The following RNF214 variants were observed in gnomAD, a reference collection of about 807,000 sequenced individuals.
The protein encoded by RNF214 is ring finger protein 214.
RNF214 carries 25 observed loss-of-function variants against 75.9 expected under a neutral mutation model. That is an observed-to-expected ratio of 0.33 (90% CI 0.24 to 0.46). The LOEUF is 0.46. RNF214 is among the 20% of genes least tolerant of loss of function. The pLI is 1.00. For synonymous variants in RNF214, 314 were observed against 308.8 expected (o/e 1.02, Z -0.18); for missense variants, 725 against 857.5 (o/e 0.85, Z 1.93).
chr11:117,238,477 A>G, intron 2 of RNF214, 124 bp from the exon 3 acceptor site: 2 of 860,624 alleles, frequency 2.3e-6, no homozygotes, highest in Non-Finnish European at 3.6e-6. Flanking sequence ...GATAGAAATC[A>G]TTGGATTGAA....
chr11:117,245,802 TAACAAC>T (rs761093039), intron 5 of RNF214, among the ~76,000 whole-genome samples: 5 of 151,938 alleles, frequency 3.3e-5, no homozygotes, highest in Admixed American at 6.6e-5. Context: ...CATTTAAAAA[TAACAAC>T]AACAACAACA....
intron 14 of RNF214, among the ~76,000 whole-genome samples, chr11:117,284,009 A>C (rs2034188638): frequency 6.6e-6 from 1 of 152,194 alleles, no homozygotes; most frequent in African/African-American, 2.4e-5. Context: ...ACATTAGCAG[A>C]ATTCAGAATA....
chr11:117,246,881 A>G lies in RNF214; in HGVS notation c.892A>G (p.Lys298Glu). The G allele has an allele frequency of 6.2e-7, 1 of 1,613,418 alleles. No individual in the cohort carries two copies. Among genetic ancestry groups the G allele is most frequent in the Non-Finnish European group, 8.5e-7 (1 of 1,179,696 alleles). Reference sequence around the variant, plus strand: ...AAAGAAGAAGATAGAGAAAGAGAAGAAGGAGTTTTTGCAGAAGGAGCAGGA... The same window carrying G: ...AAAGAAGAAGATAGAGAAAGAGAAGGAGGAGTTTTTGCAGAAGGAGCAGGA... ...ETKKKIEKEK[K>E]EFLQKEQDLK... is the part of the protein sequence containing the mutation. Residue 298 changes from lysine to glutamate, a missense_variant, in exon 6 of 15, where the codon AAG (lysine) becomes GAG (glutamate). This residue lies in a region of RNF214 where 363 missense variants were observed against 513.0 expected (regional missense o/e 0.71). Transcript: ENST00000300650.
rs143468161 is a variant in RNF214, at chr11:117,279,617, G to A, written c.960-291G>A. Among the ~76,000 whole-genome samples, 887 of 152,244 alleles carry A rather than the reference G, an allele frequency of 5.8e-3. 9 individuals are homozygous for A. Among genetic ancestry groups the A allele is most frequent in the African/African-American group, 0.02 (833 of 41,546 alleles). ...CTTCCAAAGTGCTGGGATTACAGGCGTCAGCCACCACGCCCGGTCACAACG... is the reference window on the plus strand; with the variant it reads ...CTTCCAAAGTGCTGGGATTACAGGCATCAGCCACCACGCCCGGTCACAACG... On this transcript the variant is annotated intron_variant, in intron 6 of 14. Transcript: ENST00000300650.
Position 117,282,405 on chromosome 11 carries a change from G to T in RNF214, c.1714G>T (p.Ala572Ser), listed in dbSNP as rs750740579. 3 of 1,611,884 alleles carry T rather than the reference G, an allele frequency of 1.9e-6. No homozygotes were observed. The highest frequency in any genetic ancestry group is 2.5e-6 in the Non-Finnish European group (3 of 1,179,278). The change falls in exon 12 of 15, where the codon GCC becomes TCC. Residue 572 changes from alanine to serine, a missense_variant and splice_region_variant. This residue lies in a region of RNF214 where 363 missense variants were observed against 513.0 expected (regional missense o/e 0.71). Transcript: ENST00000300650. Reference protein sequence around the residue: ...LLTRFPQCNKAQMTNILQQIK... With the variant: ...LLTRFPQCNKSQMTNILQQIK... ...TCCCTCAACATTTTTTTTCCTCAGG[G>T]CCCAGATGACCAACATTCTTCAGCA...
chr11:117,255,154 A>C (rs930757753), intron 6 of RNF214, among the ~76,000 whole-genome samples: 1 of 152,132 alleles, frequency 6.6e-6, no homozygotes, highest in Admixed American at 6.6e-5. Context: ...TGTCTCCACC[A>C]TTTCTCTTCT....
At chr11:117,234,596 A>T (rs549847695) in intron 2 of RNF214, among the ~76,000 whole-genome samples, 1 of 152,230 alleles carries the variant, frequency 6.6e-6, no homozygotes, top group African/African-American at 2.4e-5. Flanking sequence ...AATAGAATAC[A>T]TGGGGTCAAA....
intron 6 of RNF214, among the ~76,000 whole-genome samples, chr11:117,265,069 A>G (rs1268903817): frequency 6.8e-6 from 1 of 146,810 alleles, no homozygotes; most frequent in African/African-American, 2.5e-5. Flanking sequence ...CTCTATCTCA[A>G]AAAAAAAAAA....
At chr11:117,251,576 AT>A (rs1165867177) in intron 6 of RNF214, among the ~76,000 whole-genome samples, 1 of 150,014 alleles carries the variant, frequency 6.7e-6, no homozygotes, top group Non-Finnish European at 1.5e-5. Context: ...GGGTCATTTT[AT>A]TATTTTATTA....
chr11:117,234,995 G>A (rs1018520530), intron 2 of RNF214, among the ~76,000 whole-genome samples: 2 of 152,212 alleles, frequency 1.3e-5, no homozygotes, highest in African/African-American at 2.4e-5. Flanking sequence ...ATAAAGTGGT[G>A]TAGTATTTGC....
At chr11:117,252,870 A>G (rs1393572075) in intron 6 of RNF214, among the ~76,000 whole-genome samples, 2 of 152,076 alleles carry the variant, frequency 1.3e-5, no homozygotes, top group African/African-American at 4.8e-5. Context: ...TCTGGTAATT[A>G]TTTGATAAGT....
chr11:117,239,148 G>C (rs751465373), intron 3 of RNF214, 37 bp downstream of exon 3: 5 of 1,546,448 alleles, frequency 3.2e-6, no homozygotes, highest in African/African-American at 1.4e-5. Flanking sequence ...AATGTAATTG[G>C]GGGGTGGTGG....
Position 117,281,330 on chromosome 11 carries a change from C to G in RNF214, c.1162C>G (p.Leu388Val). The G allele has an allele frequency of 3.1e-6, 5 of 1,613,106 alleles. No individual in the cohort carries two copies. The highest frequency in any genetic ancestry group is 4.2e-6 in the Non-Finnish European group (5 of 1,179,298). ...TCTTGAAAGGTCAACTCCCCCAACA[C>G]TGGAGACAGTTCGTTCCAAACAGGA... ...LTYLKSTPPT[L>V]ETVRSKQEWE... Residue 388 changes from leucine to valine, a missense_variant, in exon 9 of 15, where the codon CTG becomes GTG. By Grantham distance (32) the Leu-to-Val change is conservative. This residue lies in a region of RNF214 where 363 missense variants were observed against 513.0 expected (regional missense o/e 0.71). Transcript: ENST00000300650.
intron 10 of RNF214, 37 bp from the exon 11 acceptor site, chr11:117,281,857 C>T (rs187175648): frequency 2.5e-6 from 4 of 1,592,906 alleles, no homozygotes; most frequent in African/African-American, 2.7e-5. Flanking sequence ...TCTTTTTCTT[C>T]CTTTCTCTCT....
chr11:117,243,883 A>G (rs901705286), intron 4 of RNF214, among the ~76,000 whole-genome samples: 2 of 152,168 alleles, frequency 1.3e-5, no homozygotes, highest in African/African-American at 4.8e-5. Context: ...TCCCGACTTT[A>G]TATGAAAGCT....
At chr11:117,280,066 T>C in intron 7 of RNF214, 62 bp downstream of exon 7, 1 of 1,520,344 alleles carries the variant, frequency 6.6e-7, no homozygotes, top group South Asian at 1.1e-5. Context: ...GTATCTACTT[T>C]TGGCATTGTA....
Position 117,245,962 on chromosome 11 carries a change from G to C in RNF214, c.820-847G>C, listed in dbSNP as rs567444730. Reference sequence around the variant, plus strand: ...GGGGGAGTGACTCTTTATCACCTTTGTATTATTTTACTTTTTTTTTGATAC... The same window carrying C: ...GGGGGAGTGACTCTTTATCACCTTTCTATTATTTTACTTTTTTTTTGATAC... On this transcript the variant is annotated intron_variant, in intron 5 of 14. Transcript: ENST00000300650. 1.8e-4 allele frequency among the ~76,000 whole-genome samples: 27 copies of C among 152,128 alleles called. No homozygotes were observed. The South Asian group carries it at 5.6e-3, about 32-fold the overall frequency.
At position 117,251,304 on chromosome 11, in the gene RNF214, T is replaced by TGAC. The variant is rs2033378560; in HGVS notation, c.959+4356_959+4357insGAC. Among the ~76,000 whole-genome samples the TGAC allele has an allele frequency of 5.7e-5, 6 of 104,530 alleles. 2 individuals are homozygous for TGAC. The highest frequency in any genetic ancestry group is 9.3e-5 in the Admixed American group (1 of 10,696). The allele number at this position is 104,530 out of a possible 152,430, so 68.6% of individuals were successfully genotyped here. Reference sequence around the variant, plus strand: ...GGGGCGGCTGGCCGGGCAGAGGGGCTCCTCACTTCCCAGTAGGGGCGGCCG... The same window carrying TGAC: ...GGGGCGGCTGGCCGGGCAGAGGGGCTGACCCTCACTTCCCAGTAGGGGCGGCCG... On this transcript the variant is annotated intron_variant, in intron 6 of 14. Transcript: ENST00000300650.
chr11:117,251,506 GGCGGCTGGCCGGGCGGGGGGCT>G (rs1283249478), intron 6 of RNF214, among the ~76,000 whole-genome samples: 8 of 108,946 alleles, frequency 7.3e-5, no homozygotes, highest in Non-Finnish European at 1.3e-4. Context: ...TCCCGGACGG[GGCGGCTGGCCGGGCGGGGGGCT>G]GACCCCCCCA....
Sources: allele counts gnomAD v4.1 joint callset (sites outside exome capture counted in the v4.1 genomes callset), GRCh38; gene constraint gnomAD v4.1.1; regional missense constraint gnomAD v4.1.1; transcripts MANE v1.5; gene names NCBI Gene and HGNC (gene_info 2026-07-23, HGNC 2026-07-21).